RASSF3: variants seen among roughly 807,000 people sequenced by gnomAD.
The protein encoded by RASSF3 is ras association domain-containing protein 3.
Under a neutral mutation model 19.9 loss-of-function variants are expected in RASSF3, and 19 were observed. The observed-to-expected ratio is 0.96, with a 90% CI of 0.67 to 1.40. The LOEUF is 1.40. Ranked by LOEUF, RASSF3 falls within the 40% of genes most tolerant of loss-of-function variation. The probability of loss-of-function intolerance (pLI) is 0.00; values close to 1 mark genes in which losing one functional copy is unlikely to be tolerated. For missense variants in RASSF3, 306 were observed against 289.8 expected, an observed-to-expected ratio of 1.06 and a Z score of -0.41; for synonymous variants, 110 against 104.2, an observed-to-expected ratio of 1.06 and a Z score of -0.34.
At chr12:64,691,715 A>AGAG (rs1868285412) in intron 4 of RASSF3, 136 bp downstream of exon 4, 1 of 685,636 alleles carries the variant, frequency 1.5e-6, no homozygotes, top group Non-Finnish European at 2.6e-6. Flanking sequence ...GGAAGAGAAG[A>AGAG]GAGTTGGAGG....
chr12:64,541,042 A>G (rs1465550406), intron 1 of RASSF3, among the ~76,000 whole-genome samples: 2 of 145,558 alleles, frequency 1.4e-5, no homozygotes, highest in South Asian at 2.3e-4. Flanking sequence ...CTGTAATCCT[A>G]GCACTTTGGG....
intron 2 of RASSF3, among the ~76,000 whole-genome samples, chr12:64,590,065 C>CAAA (rs10578124): frequency 8.2e-5 from 11 of 133,474 alleles, no homozygotes; most frequent in African/African-American, 2.0e-4. Context: ...ACTCTTATCT[C>CAAA]AAAAAAAAAA....
chr12:64,659,686 G>A (rs1872275094), intron 1 of RASSF3, among the ~76,000 whole-genome samples: 1 of 152,144 alleles, frequency 6.6e-6, no homozygotes, highest in Non-Finnish European at 1.5e-5. Context: ...GGTGGCTCAT[G>A]CCTGTAATCC....
intron 1 of RASSF3, among the ~76,000 whole-genome samples, chr12:64,678,502 C>T (rs749294967): frequency 3.9e-5 from 6 of 152,184 alleles, no homozygotes; most frequent in African/African-American, 9.7e-5. Context: ...GTACCACTTA[C>T]TGAGTGTCAT....
intron 1 of RASSF3, among the ~76,000 whole-genome samples, chr12:64,679,295 G>A (rs1017069506): frequency 6.6e-6 from 1 of 152,164 alleles, no homozygotes; most frequent in African/African-American, 2.4e-5. Context: ...TCCTGACCTC[G>A]TGATCCACCC....
chr12:64,625,752 GT>G (rs1870965070), intron 1 of RASSF3, among the ~76,000 whole-genome samples: 1 of 151,226 alleles, frequency 6.6e-6, no homozygotes, highest in South Asian at 2.1e-4. Flanking sequence ...CCAGCCCTCT[GT>G]TCTCTCTCCA....
chr12:64,561,487 C>A (rs1869346015), intron 2 of RASSF3, among the ~76,000 whole-genome samples: 1 of 152,128 alleles, frequency 6.6e-6, no homozygotes, highest in Non-Finnish European at 1.5e-5. Context: ...TCATGACAAA[C>A]AAAATTGCTC....
intron 1 of RASSF3, among the ~76,000 whole-genome samples, chr12:64,540,785 G>A (rs973284803): frequency 1.3e-5 from 2 of 152,076 alleles, no homozygotes; most frequent in African/African-American, 4.8e-5. Flanking sequence ...GCATCACTGC[G>A]TTTGGTGACA....
chr12:64,533,406 C>T (rs1442413076), intron 1 of RASSF3: 1 of 152,184 alleles, frequency 6.6e-6, no homozygotes, highest in Non-Finnish European at 1.5e-5. Context: ...CATGTCGGTT[C>T]AATTGTTTGT....
intron 1 of RASSF3, among the ~76,000 whole-genome samples, chr12:64,610,971 G>C (rs896565458): frequency 5.3e-5 from 8 of 152,300 alleles, no homozygotes; most frequent in African/African-American, 1.9e-4. Flanking sequence ...GCTGAGGGCC[G>C]GCTTCTGCCT....
At chr12:64,641,849 TC>T (rs1199578334) in intron 1 of RASSF3, among the ~76,000 whole-genome samples, 1 of 151,768 alleles carries the variant, frequency 6.6e-6, no homozygotes, top group Non-Finnish European at 1.5e-5. Context: ...TTCAAGCGAT[TC>T]TTCTGCCTCA....
intron 2 of RASSF3, among the ~76,000 whole-genome samples, chr12:64,581,319 C>G (rs995758313): frequency 3.9e-5 from 6 of 152,200 alleles, no homozygotes; most frequent in African/African-American, 1.4e-4. Flanking sequence ...TAGAACTCTA[C>G]ACGTAGCTTA....
intron 2 of RASSF3, among the ~76,000 whole-genome samples, chr12:64,588,869 A>G (rs958250150): frequency 6.6e-6 from 1 of 152,150 alleles, no homozygotes; most frequent in Non-Finnish European, 1.5e-5. Context: ...ATGTCTATAT[A>G]ATAGAAACAC....
chr12:64,605,358 A>G (rs1213729769), intron 2 of RASSF3, among the ~76,000 whole-genome samples: 1 of 134,162 alleles, frequency 7.5e-6, no homozygotes, highest in East Asian at 2.0e-4. Context: ...TACCTCTGCT[A>G]TGGGTTGCTT....
At chr12:64,601,147 G>T (rs1308057249) in intron 2 of RASSF3, among the ~76,000 whole-genome samples, 1 of 151,816 alleles carries the variant, frequency 6.6e-6, no homozygotes, top group African/African-American at 2.4e-5. Context: ...AAATCAGCTG[G>T]GCATGGTGAC....
chr12:64,655,908 T>C (rs868667463), intron 1 of RASSF3, among the ~76,000 whole-genome samples: 5 of 151,592 alleles, frequency 3.3e-5, no homozygotes, highest in African/African-American at 1.2e-4. Flanking sequence ...GTGCCTGTAA[T>C]CCTGGCTACT....
At chr12:64,693,696 G>C (rs1868316942) in intron 4 of RASSF3, among the ~76,000 whole-genome samples, 1 of 152,120 alleles carries the variant, frequency 6.6e-6, no homozygotes, top group African/African-American at 2.4e-5. Flanking sequence ...GCATTCCAAA[G>C]TGCTAGGATT....
chr12:64,612,693 C>G (rs1339106859), intron 1 of RASSF3, among the ~76,000 whole-genome samples: 1 of 152,052 alleles, frequency 6.6e-6, no homozygotes, highest in Admixed American at 6.6e-5. Flanking sequence ...CCAGGCTGGT[C>G]TCGAACTCCT....
chr12:64,597,706 CCTT>C (rs1330148134), intron 2 of RASSF3, among the ~76,000 whole-genome samples: 2 of 152,192 alleles, frequency 1.3e-5, no homozygotes, highest in East Asian at 3.9e-4. Context: ...GATCCACCCA[CCTT>C]AGCCTCCCAA....
Sources: allele counts gnomAD v4.1 joint callset (sites outside exome capture counted in the v4.1 genomes callset), GRCh38; gene constraint gnomAD v4.1.1; transcripts MANE v1.5; gene names NCBI Gene and HGNC (gene_info 2026-07-23, HGNC 2026-07-21).